NKAIN3: variants seen among roughly 807,000 people sequenced by gnomAD.
NKAIN3 encodes the protein sodium/potassium-transporting ATPase subunit beta-1-interacting protein 3.
NKAIN3 carries 25 observed loss-of-function variants against 30.2 expected under a neutral mutation model. That is an observed-to-expected ratio of 0.83 (90% CI 0.60 to 1.16). The LOEUF (loss-of-function observed/expected upper bound fraction) is 1.16. NKAIN3 is among the 50% of genes most tolerant of loss of function. The pLI is 0.00. For missense variants in NKAIN3, 225 were observed against 254.1 expected, an observed-to-expected ratio of 0.89 and a Z score of 0.78; for synonymous variants, 91 against 89.6, an observed-to-expected ratio of 1.02 and a Z score of -0.09.
At chr8:62,314,564 A>G (rs1814550914) in intron 1 of NKAIN3, among the ~76,000 whole-genome samples, 1 of 152,168 alleles carries the variant, frequency 6.6e-6, no homozygotes. Flanking sequence ...CTGCTTTCAA[A>G]TATTTCCTGG....
intron 1 of NKAIN3, among the ~76,000 whole-genome samples, chr8:62,294,888 T>C (rs1813778029): frequency 6.6e-6 from 1 of 152,120 alleles, no homozygotes; most frequent in Admixed American, 6.6e-5. Context: ...ATAGTTCAAA[T>C]TCTAGAGAGG....
At chr8:62,995,004 T>C (rs1804073635) in intron 5 of NKAIN3, among the ~76,000 whole-genome samples, 1 of 152,212 alleles carries the variant, frequency 6.6e-6, no homozygotes, top group African/African-American at 2.4e-5. Flanking sequence ...ACTCTGAAAT[T>C]GTACCTAAAG....
chr8:62,405,752 C>T (rs1042191201), intron 1 of NKAIN3, among the ~76,000 whole-genome samples: 55 of 152,176 alleles, frequency 3.6e-4, no homozygotes, highest in Admixed American at 1.3e-3. Flanking sequence ...TATGAAGGTG[C>T]TTTTTTATGT....
chr8:62,793,323 A>G (rs970326512), intron 4 of NKAIN3, among the ~76,000 whole-genome samples: 40 of 152,046 alleles, frequency 2.6e-4, no homozygotes, highest in African/African-American at 9.2e-4. Flanking sequence ...TTTCTCCGTC[A>G]ATTGACATTT....
At chr8:62,500,141 C>G (rs1266297532) in intron 1 of NKAIN3, among the ~76,000 whole-genome samples, 15 of 152,072 alleles carry the variant, frequency 9.9e-5, no homozygotes, top group Admixed American at 9.8e-4. Context: ...CTCAACCCGT[C>G]TATTTTGCAT....
chr8:62,840,905 CA>C (rs1819511968), intron 4 of NKAIN3, among the ~76,000 whole-genome samples: 1 of 152,132 alleles, frequency 6.6e-6, no homozygotes, highest in Admixed American at 6.6e-5. Flanking sequence ...ACCTCTGGAA[CA>C]GCTAGGAGTA....
chr8:62,953,816 C>A, intron 5 of NKAIN3, 86 bp from the exon 6 acceptor site: 1 of 265,674 alleles, frequency 3.8e-6, no homozygotes, highest in Non-Finnish European at 5.8e-6. Flanking sequence ...TTTTTGTTAA[C>A]TTTGCTCTTA....
At chr8:62,498,821 A>C (rs1807324851) in intron 1 of NKAIN3, among the ~76,000 whole-genome samples, 1 of 151,866 alleles carries the variant, frequency 6.6e-6, no homozygotes, top group African/African-American at 2.4e-5. Flanking sequence ...CTCACAATGT[A>C]ATGGGGAGGA....
intron 1 of NKAIN3, among the ~76,000 whole-genome samples, chr8:62,501,016 T>C (rs1807434338): frequency 6.6e-6 from 1 of 152,200 alleles, no homozygotes; most frequent in Admixed American, 6.6e-5. Flanking sequence ...TTATTCTTTG[T>C]TATGCTAATT....
intron 3 of NKAIN3, among the ~76,000 whole-genome samples, chr8:62,644,043 A>G (rs1812387364): frequency 6.6e-6 from 1 of 152,108 alleles, no homozygotes; most frequent in Non-Finnish European, 1.5e-5. Flanking sequence ...AATGGATGGA[A>G]AAGAAAGAGG....
intron 1 of NKAIN3, among the ~76,000 whole-genome samples, chr8:62,514,090 A>G (rs2129750324): frequency 6.6e-6 from 1 of 152,172 alleles, no homozygotes; most frequent in South Asian, 2.1e-4. Context: ...CCTAAGACTA[A>G]CAGGAATCCT....
At chr8:62,342,910 A>G (rs1460696367) in intron 1 of NKAIN3, among the ~76,000 whole-genome samples, 3 of 152,076 alleles carry the variant, frequency 2.0e-5, no homozygotes, top group South Asian at 2.1e-4. Flanking sequence ...ATAACTATCA[A>G]TGTGCCAACA....
chr8:62,630,299 A>G (rs1811916614), intron 3 of NKAIN3, among the ~76,000 whole-genome samples: 1 of 152,148 alleles, frequency 6.6e-6, no homozygotes, highest in Non-Finnish European at 1.5e-5. Context: ...AGCCTGAACT[A>G]TAAAAACATA....
intron 3 of NKAIN3, among the ~76,000 whole-genome samples, chr8:62,707,506 G>A (rs1464847834): frequency 1.3e-5 from 2 of 151,970 alleles, no homozygotes; most frequent in Non-Finnish European, 2.9e-5. Flanking sequence ...TCATATGTTT[G>A]TTGGCCACTT....
At chr8:62,495,210 T>C (rs1250129415) in intron 1 of NKAIN3, among the ~76,000 whole-genome samples, 2 of 152,104 alleles carry the variant, frequency 1.3e-5, no homozygotes, top group African/African-American at 4.8e-5. Context: ...TTTATATGAA[T>C]TCTGATAAAA....
chr8:62,299,193 T>G (rs1272735872), intron 1 of NKAIN3, among the ~76,000 whole-genome samples: 1 of 152,174 alleles, frequency 6.6e-6, no homozygotes, highest in Non-Finnish European at 1.5e-5. Flanking sequence ...CTATCATTTT[T>G]TGCACTTTTA....
intron 4 of NKAIN3, among the ~76,000 whole-genome samples, chr8:62,769,045 C>A (rs1208315237): frequency 6.6e-6 from 1 of 152,154 alleles, no homozygotes; most frequent in Non-Finnish European, 1.5e-5. Context: ...GCAATTGGCA[C>A]TCTTGAAAAT....
intron 4 of NKAIN3, among the ~76,000 whole-genome samples, chr8:62,848,648 A>C (rs1388082270): frequency 6.6e-6 from 1 of 152,136 alleles, no homozygotes; most frequent in Non-Finnish European, 1.5e-5. Context: ...TCCTATTTGA[A>C]TCCTCTTTAT....
At chr8:62,381,839 C>G (rs1051451096) in intron 1 of NKAIN3, among the ~76,000 whole-genome samples, 1 of 152,162 alleles carries the variant, frequency 6.6e-6, no homozygotes, top group African/African-American at 2.4e-5. Context: ...TTTTACCAAC[C>G]TGCATGTATA....
Sources: allele counts gnomAD v4.1 joint callset (sites outside exome capture counted in the v4.1 genomes callset), GRCh38; gene constraint gnomAD v4.1.1; transcripts MANE v1.5; gene names NCBI Gene and HGNC (gene_info 2026-07-23, HGNC 2026-07-21).